RNF180: variants seen among roughly 807,000 people sequenced by gnomAD.
RNF180 encodes the protein E3 ubiquitin-protein ligase RNF180.
In RNF180, 38 loss-of-function variants were observed where a neutral mutation model predicts 59.2. The ratio of observed to expected loss-of-function variants is 0.64; its 90% confidence interval spans 0.50 to 0.84. The LOEUF (loss-of-function observed/expected upper bound fraction) is 0.84, where lower values mean the gene tolerates loss of function less well. Ranked by LOEUF, RNF180 falls within the 40% of genes least tolerant of loss-of-function variation. The pLI is 0.00. For synonymous variants in RNF180, 262 were observed against 240.3 expected (o/e 1.09, Z -0.84); for missense variants, 705 against 700.9 (o/e 1.01, Z -0.07).
intron 7 of RNF180, among the ~76,000 whole-genome samples, chr5:64,366,453 CT>C (rs1221805734): frequency 6.6e-6 from 1 of 151,236 alleles, no homozygotes; most frequent in East Asian, 2.0e-4. Context: ...AACCTTCTTA[CT>C]AAATATTTTG....
intron 1 of RNF180, among the ~76,000 whole-genome samples, chr5:64,176,215 A>G (rs1750224284): frequency 6.6e-6 from 1 of 152,100 alleles, no homozygotes; most frequent in Non-Finnish European, 1.5e-5. Flanking sequence ...TAGGTCGTAT[A>G]TATCTAGGAA....
At chr5:64,290,845 C>T (rs1742544300) in intron 5 of RNF180, among the ~76,000 whole-genome samples, 2 of 152,114 alleles carry the variant, frequency 1.3e-5, no homozygotes, top group African/African-American at 4.8e-5. Flanking sequence ...CATTCTGTGT[C>T]TTTTAATTGG....
intron 7 of RNF180, among the ~76,000 whole-genome samples, chr5:64,348,203 T>C (rs1745630417): frequency 6.6e-6 from 1 of 152,072 alleles, no homozygotes. Flanking sequence ...AAATATCCTT[T>C]TTTTCTAATA....
intron 2 of RNF180, among the ~76,000 whole-genome samples, chr5:64,205,825 A>G (rs1213003778): frequency 3.3e-5 from 5 of 152,136 alleles, no homozygotes; most frequent in African/African-American, 1.2e-4. Context: ...AGAACCGAAA[A>G]TAGGAGAGAG....
intron 5 of RNF180, among the ~76,000 whole-genome samples, chr5:64,299,829 A>G (rs1743071642): frequency 6.6e-6 from 1 of 151,918 alleles, no homozygotes; most frequent in South Asian, 2.1e-4. Context: ...GTACTCCAAA[A>G]CTATTAAATA....
chr5:64,177,525 C>T, intron 1 of RNF180, among the ~76,000 whole-genome samples: 2 of 54,366 alleles, frequency 3.7e-5, no homozygotes, highest in African/African-American at 5.5e-5. Flanking sequence ...ATAAATTATG[C>T]CATATATATA....
intron 5 of RNF180, among the ~76,000 whole-genome samples, chr5:64,309,049 C>T (rs1156974511): frequency 6.6e-6 from 1 of 151,672 alleles, no homozygotes. Flanking sequence ...AGATGCCAAT[C>T]TCCACGTAAT....
chr5:64,349,871 T>G (rs1194464106), intron 7 of RNF180, among the ~76,000 whole-genome samples: 1 of 152,204 alleles, frequency 6.6e-6, no homozygotes, highest in Non-Finnish European at 1.5e-5. Context: ...AAGTCTTTGC[T>G]ATTGTGAATA....
intron 5 of RNF180, among the ~76,000 whole-genome samples, chr5:64,225,459 A>C (rs1325479389): frequency 3.1e-5 from 4 of 130,158 alleles, no homozygotes; most frequent in Admixed American, 8.1e-5. Flanking sequence ...ATCGTCTGGG[A>C]TGTGAGGAGT....
intron 5 of RNF180, among the ~76,000 whole-genome samples, chr5:64,236,465 T>C (rs986102014): frequency 5.3e-5 from 8 of 152,174 alleles, no homozygotes; most frequent in African/African-American, 1.9e-4. Context: ...TGGGAACTTA[T>C]GTTTAAAAGG....
intron 2 of RNF180, among the ~76,000 whole-genome samples, chr5:64,206,077 G>C (rs1340167191): frequency 6.6e-6 from 1 of 152,168 alleles, no homozygotes; most frequent in Admixed American, 6.6e-5. Context: ...ATTCTAGAGG[G>C]AGCTAGTTTG....
chr5:64,251,058 A>G (rs1468406010), intron 5 of RNF180, among the ~76,000 whole-genome samples: 2 of 152,212 alleles, frequency 1.3e-5, no homozygotes, highest in African/African-American at 4.8e-5. Context: ...TTCAACATAC[A>G]TAAATAAATA....
chr5:64,201,806 C>A (rs1751765340), intron 2 of RNF180, among the ~76,000 whole-genome samples: 1 of 152,152 alleles, frequency 6.6e-6, no homozygotes, highest in African/African-American at 2.4e-5. Flanking sequence ...GTGGCGTGAT[C>A]TTGGCTCACT....
At chr5:64,323,941 C>T (rs1452435036) in intron 5 of RNF180, among the ~76,000 whole-genome samples, 1 of 152,178 alleles carries the variant, frequency 6.6e-6, no homozygotes, top group Non-Finnish European at 1.5e-5. Flanking sequence ...TTTCCAAGAA[C>T]CTACTGGTGA....
intron 2 of RNF180, among the ~76,000 whole-genome samples, chr5:64,202,444 T>C (rs1019281340): frequency 3.9e-4 from 59 of 152,244 alleles, no homozygotes; most frequent in Admixed American, 2.0e-3. Context: ...ATAAAACTGC[T>C]ATCAAAATTT....
chr5:64,234,097 T>C (rs1742259023), intron 5 of RNF180, among the ~76,000 whole-genome samples: 1 of 152,226 alleles, frequency 6.6e-6, no homozygotes, highest in South Asian at 2.1e-4. Flanking sequence ...GCTGTCTTGG[T>C]TTCTTCTGTG....
chr5:64,357,895 CAA>C (rs1293087107), intron 7 of RNF180, among the ~76,000 whole-genome samples: 5 of 151,776 alleles, frequency 3.3e-5, no homozygotes, highest in African/African-American at 9.7e-5. Flanking sequence ...GAAGAAAAGA[CAA>C]GAGTAACTTT....
intron 5 of RNF180, among the ~76,000 whole-genome samples, chr5:64,306,115 T>G (rs958500945): frequency 2.6e-5 from 4 of 151,730 alleles, no homozygotes; most frequent in Non-Finnish European, 4.4e-5. Flanking sequence ...CTTTTAAAAA[T>G]GTAACTTGCA....
At chr5:64,174,511 G>A (rs994572275) in intron 1 of RNF180, among the ~76,000 whole-genome samples, 2 of 151,986 alleles carry the variant, frequency 1.3e-5, no homozygotes, top group African/African-American at 4.8e-5. Context: ...TAATTGGGGT[G>A]AGATTATGTC....
Sources: allele counts gnomAD v4.1 joint callset (sites outside exome capture counted in the v4.1 genomes callset), GRCh38; gene constraint gnomAD v4.1.1; transcripts MANE v1.5; gene names NCBI Gene and HGNC (gene_info 2026-07-23, HGNC 2026-07-21).